The following ZSCAN5A variants were observed in gnomAD, a reference collection of about 807,000 sequenced individuals.
The protein encoded by ZSCAN5A is zinc finger and SCAN domain containing 5A.
Under a neutral mutation model 23.7 loss-of-function variants are expected in ZSCAN5A, and 12 were observed. The observed-to-expected ratio is 0.51, with a 90% confidence interval of 0.32 to 0.82. The LOEUF (loss-of-function observed/expected upper bound fraction) is 0.82, where lower values mean the gene tolerates loss of function less well. ZSCAN5A is among the 40% of genes least tolerant of loss of function. The pLI is 0.03. For synonymous variants in ZSCAN5A, 257 were observed against 239.9 expected (o/e 1.07, Z -0.66); for missense variants, 597 against 617.9 (o/e 0.97, Z 0.36).
At chr19:56,284,767 G>T (rs2038978557) in intron 2 of ZSCAN5A, among the ~76,000 whole-genome samples, 2 of 152,018 alleles carry the variant, frequency 1.3e-5, no homozygotes, top group Admixed American at 1.3e-4. Flanking sequence ...ACCCACCTCA[G>T]CCCCCAAAGT....
intron 2 of ZSCAN5A, among the ~76,000 whole-genome samples, chr19:56,300,503 C>T (rs1006998769): frequency 1.6e-4 from 25 of 152,190 alleles, no homozygotes; most frequent in African/African-American, 5.8e-4. Flanking sequence ...CCATCCCCTC[C>T]CAACAAGAAG....
chr19:56,344,928 A>G (rs1434163323), intron 2 of ZSCAN5A, among the ~76,000 whole-genome samples: 58 of 148,252 alleles, frequency 3.9e-4, no homozygotes, highest in African/African-American at 1.2e-3. Context: ...AAAAAAAAAA[A>G]AAAAAAAGAA....
chr19:56,247,698 A>AT (rs55914902), intron 2 of ZSCAN5A, among the ~76,000 whole-genome samples: 10 of 150,874 alleles, frequency 6.6e-5, no homozygotes, highest in Non-Finnish European at 1.2e-4. Context: ...TCTTTCTTTT[A>AT]TTATTTTTTT....
At chr19:56,345,062 G>A (rs902380516) in intron 2 of ZSCAN5A, among the ~76,000 whole-genome samples, 5 of 151,698 alleles carry the variant, frequency 3.3e-5, no homozygotes, top group African/African-American at 4.8e-5. Flanking sequence ...CAGAGAACAC[G>A]CCACTACAAA....
chr19:56,221,852 G>A lies in ZSCAN5A; in HGVS notation c.1214C>T (p.Thr405Ile), dbSNP rs2033216256. 4 of 1,614,066 alleles carry A rather than the reference G, an allele frequency of 2.5e-6. No homozygotes were observed. The highest frequency in any genetic ancestry group is 4.5e-5 in the East Asian group (2 of 44,900). Reference sequence around the variant, plus strand: ...CGTGTAGGGCCTCTCGCCAGTGTGGGTTCGCTGGTGAAATTGGAGGCTAAT... The same window carrying A: ...CGTGTAGGGCCTCTCGCCAGTGTGGATTCGCTGGTGAAATTGGAGGCTAAT... The part of the protein sequence containing the change: ...QLISLQFHQR[T>I]HTGERPYTCD... Residue 405 changes from threonine (T) to isoleucine (I), a missense_variant, in exon 6 of 6, where the codon ACC becomes ATC. Thr to Ile is a moderately conservative substitution (Grantham distance 89, BLOSUM62 -1). Around this residue, in one of 5 missense-constraint regions of ZSCAN5A, gnomAD observed 406 missense variants for 353.2 expected, o/e 1.15. Coordinates refer to ENST00000683990, the MANE Select transcript of ZSCAN5A (RefSeq NM_001322064.3).
At chr19:56,341,206 T>G (rs1600293996) in intron 2 of ZSCAN5A, 2 of 151,948 alleles carry the variant, frequency 1.3e-5, no homozygotes, top group Non-Finnish European at 2.9e-5. Flanking sequence ...AAGAAAAGAT[T>G]AGAGAAAAAA....
intron 2 of ZSCAN5A, chr19:56,247,227 C>T (rs924758903): frequency 2.1e-6 from 1 of 475,640 alleles, no homozygotes; most frequent in South Asian, 2.3e-5. Context: ...AGAAGCCCTA[C>T]ACATGTGACA....
At chr19:56,311,576 A>T (rs1422157425) in intron 2 of ZSCAN5A, among the ~76,000 whole-genome samples, 1 of 152,216 alleles carries the variant, frequency 6.6e-6, no homozygotes, top group Non-Finnish European at 1.5e-5. Flanking sequence ...AGACGGATGG[A>T]AAATTCTTTT....
intron 2 of ZSCAN5A, chr19:56,244,325 T>C (rs2035683862): frequency 6.2e-6 from 10 of 1,607,192 alleles, no homozygotes; most frequent in Admixed American, 1.7e-5. Flanking sequence ...GTTCATGATC[T>C]CCATGCCCCA....
At chr19:56,271,739 A>G (rs1378155437) in intron 2 of ZSCAN5A, among the ~76,000 whole-genome samples, 4 of 152,156 alleles carry the variant, frequency 2.6e-5, no homozygotes, top group African/African-American at 9.7e-5. Flanking sequence ...CTTCCAGGAC[A>G]CTACACACAA....
At chr19:56,349,878 T>C (rs1568763674) in intron 2 of ZSCAN5A, among the ~76,000 whole-genome samples, 1 of 152,224 alleles carries the variant, frequency 6.6e-6, no homozygotes, top group Non-Finnish European at 1.5e-5. Flanking sequence ...TTAGAACTTC[T>C]TTTTAATGCA....
chr19:56,329,952 A>AT (rs1489613328), intron 2 of ZSCAN5A, among the ~76,000 whole-genome samples: 3 of 152,216 alleles, frequency 2.0e-5, no homozygotes, highest in Non-Finnish European at 4.4e-5. Context: ...AAAGCACAGT[A>AT]CCCAATAGTT....
chr19:56,349,418 C>A (rs898185796), intron 2 of ZSCAN5A, among the ~76,000 whole-genome samples: 1 of 152,054 alleles, frequency 6.6e-6, no homozygotes, highest in Admixed American at 6.6e-5. Flanking sequence ...AGATCTTGGC[C>A]GAGCGCGGTG....
intron 2 of ZSCAN5A, among the ~76,000 whole-genome samples, chr19:56,260,973 C>T (rs1342717345): frequency 2.0e-5 from 3 of 152,030 alleles, no homozygotes; most frequent in South Asian, 2.1e-4. Flanking sequence ...TTTGGGAGGC[C>T]GAGGCGGGTG....
chr19:56,358,341 G>A (rs113324561), intron 2 of ZSCAN5A, among the ~76,000 whole-genome samples: 6,912 of 148,230 alleles, frequency 0.047, 713 homozygotes, highest in Middle Eastern at 0.13. Context: ...GGCTGGTCTC[G>A]GACTCCTGAC....
intron 2 of ZSCAN5A, among the ~76,000 whole-genome samples, chr19:56,248,697 T>C (rs893621519): frequency 1.3e-5 from 2 of 151,968 alleles, no homozygotes; most frequent in Non-Finnish European, 2.9e-5. Context: ...CCTCCAGAAG[T>C]GCTCGGAGTA....
At chr19:56,337,623 G>A (rs2041552529) in intron 2 of ZSCAN5A, among the ~76,000 whole-genome samples, 1 of 152,204 alleles carries the variant, frequency 6.6e-6, no homozygotes, top group Admixed American at 6.5e-5. Flanking sequence ...ACTCCCCAGT[G>A]AGATGAACCC....
rs547022250 is a variant in ZSCAN5A at position 56,355,810 on chromosome 19, G to T, written c.-358+7425C>A. On this transcript the variant is annotated intron_variant, in intron 2 of 6. Coordinates refer to the ZSCAN5A transcript ENST00000587340. Reference sequence around the variant, plus strand: ...CATTCTTTATTCCTTCATATGTTTAGGTATTAAGCACCTATTATGGGTCAA... The same window carrying T: ...CATTCTTTATTCCTTCATATGTTTATGTATTAAGCACCTATTATGGGTCAA... Among the ~76,000 whole-genome samples the T allele has an allele frequency of 4.0e-5, 6 of 148,632 alleles. 1 individual carries two copies. The South Asian group carries it at 1.3e-3, about 32-fold the overall frequency.
chr19:56,244,750 C>T (rs997518375), intron 2 of ZSCAN5A, among the ~76,000 whole-genome samples: 1 of 150,836 alleles, frequency 6.6e-6, no homozygotes, highest in Non-Finnish European at 1.5e-5. Context: ...CAGGGACCCA[C>T]ACACTGTGTG....
Sources: gnomAD v4.1 joint callset for allele counts (sites outside exome capture counted in the v4.1 genomes callset) on GRCh38, gnomAD v4.1.1 for gene constraint, gnomAD v4.1.1 regional missense constraint, MANE v1.5 for transcripts, NCBI Gene and HGNC (gene_info 2026-07-23, HGNC 2026-07-21) for gene names.